The following CDH18 variants were observed in gnomAD, a reference collection of about 807,000 sequenced individuals.
The protein encoded by CDH18 is cadherin 18.
A neutral mutation model predicts 67.9 loss-of-function variants in CDH18; 31 were observed. The ratio of observed to expected loss-of-function variants is 0.46; its 90% CI spans 0.34 to 0.62. CDH18 has a LOEUF of 0.62. Among genes scored for constraint, CDH18 ranks in the 20% least tolerant of loss-of-function variants. The pLI is 0.01. For synonymous variants in CDH18, 362 were observed against 347.2 expected, an observed-to-expected ratio of 1.04 and a Z score of -0.48; for missense variants, 890 against 975.5, an observed-to-expected ratio of 0.91 and a Z score of 1.17.
intron 2 of CDH18, among the ~76,000 whole-genome samples, chr5:20,149,490 G>T (rs1750930414): frequency 6.6e-6 from 1 of 152,006 alleles, no homozygotes; most frequent in South Asian, 2.1e-4. Flanking sequence ...TGTGATGAAT[G>T]GTATTACTAA....
At chr5:19,599,401 G>A (rs897191857) in intron 6 of CDH18, among the ~76,000 whole-genome samples, 3 of 152,058 alleles carry the variant, frequency 2.0e-5, no homozygotes, top group Non-Finnish European at 4.4e-5. Flanking sequence ...TATTTACTAA[G>A]TAAAACAGAT....
chr5:20,439,621 G>A (rs1452001357), intron 1 of CDH18, among the ~76,000 whole-genome samples: 2 of 151,694 alleles, frequency 1.3e-5, no homozygotes, highest in African/African-American at 4.9e-5. Flanking sequence ...TGAAAATACT[G>A]TAATAGATCC....
At chr5:19,764,590 T>C (rs964407317) in intron 3 of CDH18, among the ~76,000 whole-genome samples, 4 of 151,348 alleles carry the variant, frequency 2.6e-5, no homozygotes, top group African/African-American at 9.7e-5. Context: ...GCATCTTTCA[T>C]AGTTTTAATT....
chr5:20,566,128 G>A (rs1282744206), intron 1 of CDH18, among the ~76,000 whole-genome samples: 2 of 151,926 alleles, frequency 1.3e-5, no homozygotes, highest in African/African-American at 4.8e-5. Context: ...AGATACTAAG[G>A]GCATGACTAA....
At chr5:19,951,723 T>C (rs750319126) in intron 2 of CDH18, among the ~76,000 whole-genome samples, 1 of 152,166 alleles carries the variant, frequency 6.6e-6, no homozygotes, top group Non-Finnish European at 1.5e-5. Context: ...ATTTGCATTA[T>C]AGGATACTCA....
At chr5:20,190,376 T>C (rs1252540381) in intron 2 of CDH18, among the ~76,000 whole-genome samples, 1 of 152,134 alleles carries the variant, frequency 6.6e-6, no homozygotes, top group East Asian at 1.9e-4. Context: ...TAATGAATGA[T>C]CTGCTTTGAT....
chr5:20,243,325 A>G (rs1743131345), intron 2 of CDH18, among the ~76,000 whole-genome samples: 1 of 152,206 alleles, frequency 6.6e-6, no homozygotes, highest in Admixed American at 6.5e-5. Flanking sequence ...GCAAAATCCT[A>G]CATAAAGGAT....
chr5:19,866,242 T>C (rs1024785330), intron 2 of CDH18, among the ~76,000 whole-genome samples: 2 of 152,302 alleles, frequency 1.3e-5, no homozygotes. Context: ...GGAATGGGGA[T>C]TGTGCATGAA....
At chr5:19,615,697 C>G (rs78828081) in intron 5 of CDH18, among the ~76,000 whole-genome samples, 138 of 152,192 alleles carry the variant, frequency 9.1e-4, no homozygotes, top group East Asian at 2.1e-3. Flanking sequence ...TTCTCTATCC[C>G]TCCCCTCCCT....
At chr5:19,698,323 G>C (rs1425492814) in intron 5 of CDH18, among the ~76,000 whole-genome samples, 2 of 151,984 alleles carry the variant, frequency 1.3e-5, no homozygotes, top group Non-Finnish European at 2.9e-5. Flanking sequence ...TCAAAGGCTT[G>C]CTATTGTTTT....
intron 2 of CDH18, among the ~76,000 whole-genome samples, chr5:20,203,407 G>C (rs950288796): frequency 4.3e-4 from 66 of 152,232 alleles, no homozygotes; most frequent in African/African-American, 1.6e-3. Flanking sequence ...TATGTTCCAT[G>C]GTTCCCCTAG....
intron 5 of CDH18, among the ~76,000 whole-genome samples, chr5:19,702,887 A>C (rs966098329): frequency 1.3e-5 from 2 of 152,170 alleles, no homozygotes; most frequent in Non-Finnish European, 2.9e-5. Flanking sequence ...AAACCACTTA[A>C]GGCATTCCTG....
intron 1 of CDH18, among the ~76,000 whole-genome samples, chr5:20,374,339 A>G (rs1344356443): frequency 6.6e-6 from 1 of 152,184 alleles, no homozygotes; most frequent in African/African-American, 2.4e-5. Context: ...TTTGAAAAGG[A>G]GGTAAAAATG....
chr5:19,649,322 A>G (rs1755235951), intron 5 of CDH18, among the ~76,000 whole-genome samples: 1 of 152,112 alleles, frequency 6.6e-6, no homozygotes, highest in South Asian at 2.1e-4. Context: ...CCCTTTAAAC[A>G]TAAGAAGCAA....
At chr5:20,542,952 G>A (rs914422410) in intron 1 of CDH18, among the ~76,000 whole-genome samples, 7 of 151,892 alleles carry the variant, frequency 4.6e-5, no homozygotes, top group Admixed American at 3.3e-4. Flanking sequence ...TTGTAGCATG[G>A]AAACTCTTTT....
intron 3 of CDH18, among the ~76,000 whole-genome samples, chr5:19,808,832 C>CA (rs1173922790): frequency 0.33 from 17,252 of 52,152 alleles, 2,833 homozygotes; most frequent in South Asian, 0.49. Context: ...AACTCTGTCT[C>CA]AAAAAAAAAA....
intron 5 of CDH18, among the ~76,000 whole-genome samples, chr5:19,686,311 T>C (rs774645172): frequency 1.1e-4 from 16 of 152,158 alleles, no homozygotes; most frequent in Admixed American, 2.0e-4. Flanking sequence ...TGTTAAATGA[T>C]TTAAAAATTC....
At chr5:20,450,826 T>C (rs1750390169) in intron 1 of CDH18, among the ~76,000 whole-genome samples, 1 of 152,100 alleles carries the variant, frequency 6.6e-6, no homozygotes, top group African/African-American at 2.4e-5. Context: ...CAGAAAGAGG[T>C]TTAATTGACT....
chr5:20,431,366 G>A (rs1300914065), intron 1 of CDH18, among the ~76,000 whole-genome samples: 1 of 151,604 alleles, frequency 6.6e-6, no homozygotes, highest in Non-Finnish European at 1.5e-5. Flanking sequence ...GGTGGTGCAC[G>A]CCTGTAATCC....
Sources: gnomAD v4.1 joint callset for allele counts (sites outside exome capture counted in the v4.1 genomes callset) on GRCh38, gnomAD v4.1.1 for gene constraint, MANE v1.5 for transcripts, NCBI Gene and HGNC (gene_info 2026-07-23, HGNC 2026-07-21) for gene names.